STON2: variants seen among roughly 807,000 people sequenced by gnomAD.
STON2 encodes stonin-2.
In STON2, 29 loss-of-function variants were observed where a neutral mutation model predicts 65.7. The observed-to-expected ratio is 0.44, with a 90% CI of 0.33 to 0.60. The LOEUF (loss-of-function observed/expected upper bound fraction) is 0.60, where lower values mean the gene tolerates loss of function less well. STON2 is among the 20% of genes least tolerant of loss of function. The probability of loss-of-function intolerance (pLI) is 0.03; values close to 1 mark genes in which losing one functional copy is unlikely to be tolerated. For synonymous variants in STON2, 404 were observed against 414.2 expected (o/e 0.98, Z 0.30); for missense variants, 1,054 against 1,118.1 (o/e 0.94, Z 0.82).
At chr14:81,308,810 A>G (rs1367773034) in intron 5 of STON2, among the ~76,000 whole-genome samples, 2 of 9,680 alleles carry the variant, frequency 2.1e-4, no homozygotes, top group African/African-American at 8.0e-4. Context: ...ATATATATAT[A>G]TATATATATA....
intron 3 of STON2, among the ~76,000 whole-genome samples, chr14:81,372,544 C>T (rs1043759642): frequency 7.5e-6 from 1 of 133,056 alleles, no homozygotes; most frequent in South Asian, 2.7e-4. Context: ...GAGATAAACC[C>T]TATCTCAAAA....
intron 3 of STON2, 30 bp from the exon 4 acceptor site, chr14:81,371,215 C>G: frequency 6.3e-7 from 1 of 1,594,174 alleles, no homozygotes. Flanking sequence ...CAAAAGCATA[C>G]AATATAAATA....
intron 4 of STON2, among the ~76,000 whole-genome samples, chr14:81,325,089 C>T (rs1347648123): frequency 6.6e-6 from 1 of 152,176 alleles, no homozygotes; most frequent in African/African-American, 2.4e-5. Flanking sequence ...AACCCAAGAC[C>T]TGGTATCCTC....
chr14:81,428,061 T>C (rs543591863), intron 1 of STON2, among the ~76,000 whole-genome samples: 12 of 152,286 alleles, frequency 7.9e-5, no homozygotes, highest in Admixed American at 2.0e-4. Context: ...CCTCCTGACC[T>C]TACAGCGTTG....
intron 3 of STON2, among the ~76,000 whole-genome samples, chr14:81,385,543 G>C (rs1899758158): frequency 6.6e-6 from 1 of 152,104 alleles, no homozygotes; most frequent in Non-Finnish European, 1.5e-5. Context: ...TGAAAAGAAG[G>C]GGACAGGATG....
At chr14:81,314,192 G>T (rs1189244491) in intron 5 of STON2, among the ~76,000 whole-genome samples, 2 of 152,208 alleles carry the variant, frequency 1.3e-5, no homozygotes, top group Non-Finnish European at 2.9e-5. Context: ...ATCCCCATAT[G>T]AGCTGGCCAA....
chr14:81,386,618 G>A (rs1197802292), intron 3 of STON2, among the ~76,000 whole-genome samples: 1 of 152,170 alleles, frequency 6.6e-6, no homozygotes. Context: ...CAAAAGTTCC[G>A]GAAATGAAAG....
intron 5 of STON2, among the ~76,000 whole-genome samples, chr14:81,301,278 T>TCCGAAAAACCATGTCCGAAAAA (rs1225717050): frequency 6.6e-6 from 1 of 152,194 alleles, no homozygotes; most frequent in Non-Finnish European, 1.5e-5. Flanking sequence ...AAACATAATG[T>TCCGAAAAACCATGTCCGAAAAA]CAGCCAAAAA....
At chr14:81,382,026 T>TG (rs1292831143) in intron 3 of STON2, among the ~76,000 whole-genome samples, 1 of 152,074 alleles carries the variant, frequency 6.6e-6, no homozygotes, top group Non-Finnish European at 1.5e-5. Flanking sequence ...GCGACCAGCC[T>TG]GGCCAACACA....
chr14:81,335,004 A>T (rs1267974299), intron 4 of STON2, among the ~76,000 whole-genome samples: 2 of 112,740 alleles, frequency 1.8e-5, no homozygotes, highest in East Asian at 2.5e-4. Flanking sequence ...CGCCTGGCTA[A>T]TTTTTTTTTT....
intron 5 of STON2, among the ~76,000 whole-genome samples, chr14:81,295,143 T>C (rs1274622323): frequency 1.3e-5 from 2 of 152,096 alleles, no homozygotes; most frequent in African/African-American, 4.8e-5. Context: ...GCTAACACAG[T>C]GAAACCCCAT....
upstream of STON2, among the ~76,000 whole-genome samples, chr14:81,403,121 T>G (rs576575589): frequency 6.6e-6 from 1 of 152,344 alleles, no homozygotes; most frequent in South Asian, 2.1e-4. Flanking sequence ...CCTGATGAAC[T>G]GAGTTATTTG....
chr14:81,426,591 G>A (rs996915690), intron 2 of STON2, among the ~76,000 whole-genome samples: 7 of 151,948 alleles, frequency 4.6e-5, no homozygotes, highest in African/African-American at 1.2e-4. Context: ...TTTGACCAGC[G>A]ACTCTCCCTT....
At chr14:81,269,508 C>T (rs1208959163) in intron 7 of STON2, 2 of 985,310 alleles carry the variant, frequency 2.0e-6, no homozygotes, top group East Asian at 1.1e-4. Context: ...GGTTGCTCCT[C>T]TCAGCACCAC....
intron 3 of STON2, 93 bp downstream of exon 3, chr14:81,395,801 G>T (rs752778459): frequency 1.5e-6 from 2 of 1,322,278 alleles, no homozygotes; most frequent in Non-Finnish European, 2.1e-6. Flanking sequence ...TTAGGGGGCA[G>T]ATGAAATGGA....
chr14:81,398,673 A>T (rs1222111432), intron 1 of STON2, 93 bp from the exon 2 acceptor site: 1 of 266,104 alleles, frequency 3.8e-6, no homozygotes, highest in African/African-American at 2.2e-5. Context: ...CGCTGCCCAC[A>T]AGAAGGCTTG....
intron 2 of STON2, among the ~76,000 whole-genome samples, chr14:81,406,934 T>C (rs1900895124): frequency 6.6e-6 from 1 of 152,204 alleles, no homozygotes; most frequent in Admixed American, 6.5e-5. Context: ...GTCCTGCAGA[T>C]TCCAGCTGCT....
chr14:81,383,983 C>T (rs753176445), intron 3 of STON2, among the ~76,000 whole-genome samples: 2 of 152,162 alleles, frequency 1.3e-5, no homozygotes, highest in African/African-American at 2.4e-5. Flanking sequence ...CACTCTACTC[C>T]GGTCACACAC....
chr14:81,379,367 C>A (rs1418336619), intron 3 of STON2, among the ~76,000 whole-genome samples: 1 of 151,294 alleles, frequency 6.6e-6, no homozygotes, highest in Admixed American at 6.6e-5. Flanking sequence ...TATTAACAGA[C>A]AATAAAGAAG....
Sources: gnomAD v4.1 joint callset for allele counts (sites outside exome capture counted in the v4.1 genomes callset) on GRCh38, gnomAD v4.1.1 for gene constraint, MANE v1.5 for transcripts, NCBI Gene and HGNC (gene_info 2026-07-23, HGNC 2026-07-21) for gene names.